INPP4B: variants seen among roughly 807,000 people sequenced by gnomAD.
INPP4B encodes the protein inositol polyphosphate-4-phosphatase type II B, also known as inositol polyphosphate 4-phosphatase type II.
In INPP4B, 55 loss-of-function variants were observed where a neutral mutation model predicts 122.5. The ratio of observed to expected loss-of-function variants is 0.45; its 90% CI spans 0.36 to 0.56. INPP4B has a LOEUF of 0.56. Ranked by LOEUF, INPP4B falls within the 20% of genes least tolerant of loss-of-function variation. The pLI is 0.00. For missense variants in INPP4B, 1,000 were observed against 1,097.7 expected, an observed-to-expected ratio of 0.91 and a Z score of 1.26; for synonymous variants, 403 against 388.7, an observed-to-expected ratio of 1.04 and a Z score of -0.43.
intron 2 of INPP4B, among the ~76,000 whole-genome samples, chr4:142,623,475 T>C (rs766633457): frequency 1.7e-4 from 26 of 151,932 alleles, no homozygotes; most frequent in Non-Finnish European, 2.8e-4. Context: ...GTCACTCTCC[T>C]AAAACAGGGA....
At chr4:142,675,414 A>G (rs2046116542) in intron 2 of INPP4B, among the ~76,000 whole-genome samples, 1 of 152,222 alleles carries the variant, frequency 6.6e-6, no homozygotes, top group Non-Finnish European at 1.5e-5. Context: ...GATTTCTACC[A>G]CAGGTACAAA....
At chr4:142,209,792 C>CAAAAAAAAA (rs375306534) in intron 12 of INPP4B, among the ~76,000 whole-genome samples, 2 of 39,548 alleles carry the variant, frequency 5.1e-5, no homozygotes, top group African/African-American at 1.3e-4. Context: ...GACCCCGTCT[C>CAAAAAAAAA]AAAAAAAAAA....
chr4:142,036,640 G>GA (rs1195285046), intron 25 of INPP4B, among the ~76,000 whole-genome samples: 1 of 152,108 alleles, frequency 6.6e-6, no homozygotes, highest in Non-Finnish European at 1.5e-5. Flanking sequence ...TCCTCCAAGT[G>GA]AAAAATCACT....
At chr4:142,047,434 T>C (rs1752154422) in intron 25 of INPP4B, among the ~76,000 whole-genome samples, 1 of 152,050 alleles carries the variant, frequency 6.6e-6, no homozygotes, top group African/African-American at 2.4e-5. Flanking sequence ...TTCTGCTAAA[T>C]TGCTCAAAGC....
chr4:142,486,560 T>C (rs1821218239), intron 2 of INPP4B, among the ~76,000 whole-genome samples: 2 of 152,162 alleles, frequency 1.3e-5, no homozygotes, highest in Admixed American at 1.3e-4. Context: ...AATCTGTGGC[T>C]TGCCATTTAA....
At chr4:142,339,277 G>C (rs925607573) in intron 7 of INPP4B, among the ~76,000 whole-genome samples, 1 of 152,116 alleles carries the variant, frequency 6.6e-6, no homozygotes, top group East Asian at 1.9e-4. Flanking sequence ...TTTGCTACTG[G>C]GACTCTGACT....
chr4:142,638,570 G>T (rs1408617110), intron 2 of INPP4B, among the ~76,000 whole-genome samples: 3 of 144,562 alleles, frequency 2.1e-5, no homozygotes, highest in African/African-American at 2.6e-5. Flanking sequence ...TTGAGATGGA[G>T]TCTCACTCTG....
intron 15 of INPP4B, among the ~76,000 whole-genome samples, chr4:142,174,551 C>T (rs757611110): frequency 6.9e-4 from 105 of 152,094 alleles, no homozygotes; most frequent in Admixed American, 3.5e-3. Context: ...TATTTTATCA[C>T]GACACTTTTT....
chr4:142,735,141 AG>A (rs2150894933), intron 1 of INPP4B, among the ~76,000 whole-genome samples: 1 of 152,296 alleles, frequency 6.6e-6, no homozygotes, highest in South Asian at 2.1e-4. Flanking sequence ...ATTTCTCCTC[AG>A]TTTATTTAAT....
At chr4:142,070,859 A>C (rs1408968351) in intron 25 of INPP4B, among the ~76,000 whole-genome samples, 2 of 152,220 alleles carry the variant, frequency 1.3e-5, no homozygotes, top group Admixed American at 1.3e-4. Flanking sequence ...ATGGAAGAAC[A>C]TTCCATGCTC....
chr4:142,584,652 A>C (rs1407307692), intron 2 of INPP4B, among the ~76,000 whole-genome samples: 1 of 152,160 alleles, frequency 6.6e-6, no homozygotes, highest in Non-Finnish European at 1.5e-5. Flanking sequence ...TACATATGAC[A>C]TATCACTATT....
intron 14 of INPP4B, among the ~76,000 whole-genome samples, chr4:142,201,455 C>G (rs1191506898): frequency 6.6e-6 from 1 of 151,942 alleles, no homozygotes; most frequent in East Asian, 1.9e-4. Flanking sequence ...TATCAGCTAC[C>G]AATATCTCAA....
At chr4:142,643,249 C>A (rs1750946539) in intron 2 of INPP4B, among the ~76,000 whole-genome samples, 1 of 151,782 alleles carries the variant, frequency 6.6e-6, no homozygotes, top group African/African-American at 2.4e-5. Context: ...CTTCTCACAA[C>A]AACATGATGA....
At chr4:142,275,109 A>G (rs878933964) in intron 9 of INPP4B, among the ~76,000 whole-genome samples, 1 of 151,828 alleles carries the variant, frequency 6.6e-6, no homozygotes, top group Admixed American at 6.6e-5. Context: ...GAAATATTCA[A>G]TCTCACATGC....
intron 16 of INPP4B, among the ~76,000 whole-genome samples, chr4:142,163,058 T>C (rs564691748): frequency 2.4e-4 from 36 of 151,886 alleles, no homozygotes; most frequent in African/African-American, 8.2e-4. Context: ...CGCAGTCAAA[T>C]AAATCAGCTT....
chr4:142,641,118 G>T, intron 2 of INPP4B, among the ~76,000 whole-genome samples: 1 of 152,020 alleles, frequency 6.6e-6, no homozygotes, highest in East Asian at 1.9e-4. Context: ...CAAGAGACAT[G>T]CACAAGAATG....
At chr4:142,654,384 A>AAC (rs1753720480) in intron 2 of INPP4B, 1 of 150,890 alleles carries the variant, frequency 6.6e-6, no homozygotes, top group South Asian at 2.1e-4. Flanking sequence ...AAAAAAAAAA[A>AAC]AAAAACATAA....
At position 142,238,024 on chromosome 4, in the gene INPP4B, A is replaced by G; in HGVS notation, c.689-13T>C. The G allele has an allele frequency of 7.3e-7, 1 of 1,364,856 alleles. No individual in the cohort carries two copies. The highest frequency in any genetic ancestry group is 1.0e-6 in the Non-Finnish European group (1 of 976,466). The allele number at this position is 1,364,856 out of a possible 1,614,324, so 84.5% of individuals were successfully genotyped here. On this transcript the variant is annotated splice_polypyrimidine_tract_variant and intron_variant, in intron 11 of 25. Transcript: ENST00000262992. The stretch of plus-strand genomic sequence containing the variant: ...GGGTTCTTTAACACTGGAAAAAAAA[A>G]GAAAAAATAATAGTTAAATTCTAAG...
At chr4:142,580,871 C>T (rs1734908924) in intron 2 of INPP4B, among the ~76,000 whole-genome samples, 1 of 152,036 alleles carries the variant, frequency 6.6e-6, no homozygotes, top group Admixed American at 6.6e-5. Flanking sequence ...CATAACTCAA[C>T]AGGCTTGATA....
Sources: allele counts gnomAD v4.1 joint callset (sites outside exome capture counted in the v4.1 genomes callset), GRCh38; gene constraint gnomAD v4.1.1; transcripts MANE v1.5; gene names NCBI Gene and HGNC (gene_info 2026-07-23, HGNC 2026-07-21).